Variants in DHRSX observed in about 807,000 individuals in gnomAD.
DHRSX encodes the protein polyprenol dehydrogenase.
A neutral mutation model predicts 34.0 loss-of-function variants in DHRSX; 31 were observed. The ratio of observed to expected loss-of-function variants is 0.91; its 90% CI spans 0.69 to 1.23. The LOEUF (loss-of-function observed/expected upper bound fraction) is 1.23, where lower values mean the gene tolerates loss of function less well. Ranked by LOEUF, DHRSX falls within the 50% of genes most tolerant of loss-of-function variation. The pLI is 0.00. For synonymous variants in DHRSX, 201 were observed against 183.8 expected (o/e 1.09, Z -0.76); for missense variants, 414 against 428.1 (o/e 0.97, Z 0.29).
chrX:2,392,803 T>G (rs1249431045), intron 3 of DHRSX, among the ~76,000 whole-genome samples: 4 of 97,000 alleles, frequency 4.1e-5, no homozygotes, highest in Middle Eastern at 8.5e-3. Flanking sequence ...ATATTTAATA[T>G]AAATTATTTA....
intron 3 of DHRSX, among the ~76,000 whole-genome samples, chrX:2,303,892 G>A (rs868012406): frequency 1.4e-4 from 19 of 133,070 alleles, no homozygotes; most frequent in African/African-American, 3.2e-4. Flanking sequence ...TGGATGGATG[G>A]ATGGATAAAT....
At chrX:2,356,742 C>G (rs962032025) in intron 3 of DHRSX, among the ~76,000 whole-genome samples, 2 of 152,182 alleles carry the variant, frequency 1.3e-5, no homozygotes, top group Admixed American at 6.5e-5. Context: ...GGGATGATCC[C>G]TTTCCATTTG....
intron 4 of DHRSX, among the ~76,000 whole-genome samples, chrX:2,270,514 C>A (rs1211073318): frequency 6.6e-6 from 1 of 152,204 alleles, no homozygotes; most frequent in African/African-American, 2.4e-5. Flanking sequence ...ACAGGCCGCA[C>A]TGGATGCCCC....
At chrX:2,425,920 G>A (rs998451086) in intron 1 of DHRSX, among the ~76,000 whole-genome samples, 2 of 152,164 alleles carry the variant, frequency 1.3e-5, no homozygotes, top group Non-Finnish European at 2.9e-5. Context: ...CAGTTGGCTA[G>A]TGTGAATGAT....
intron 4 of DHRSX, among the ~76,000 whole-genome samples, chrX:2,275,514 CAA>C (rs113619915): frequency 1.0e-3 from 143 of 143,492 alleles, no homozygotes; most frequent in African/African-American, 1.5e-3. Context: ...TGTTTCAAAA[CAA>C]AAAAAAAAAA....
chrX:2,245,530 G>A (rs62595477), intron 5 of DHRSX, among the ~76,000 whole-genome samples: 22,543 of 149,338 alleles, frequency 0.15, 2,108 homozygotes, highest in Admixed American at 0.2. Context: ...GGCTGGTCTC[G>A]AACTCCTGAC....
At chrX:2,352,727 G>A (rs190037955) in intron 3 of DHRSX, among the ~76,000 whole-genome samples, 33 of 152,216 alleles carry the variant, frequency 2.2e-4, no homozygotes, top group East Asian at 1.4e-3. Flanking sequence ...TGAATGCTAC[G>A]GTGATAGCTA....
chrX:2,348,162 G>T (rs2042744191), intron 3 of DHRSX, among the ~76,000 whole-genome samples: 1 of 152,182 alleles, frequency 6.6e-6, no homozygotes, highest in African/African-American at 2.4e-5. Flanking sequence ...CAAGGCAAAA[G>T]AGAATAGAGA....
chrX:2,284,206 T>C (rs566909234), intron 4 of DHRSX, among the ~76,000 whole-genome samples: 1 of 152,386 alleles, frequency 6.6e-6, no homozygotes, highest in Middle Eastern at 3.4e-3. Flanking sequence ...ATTTAGTCCT[T>C]TGAATTCATT....
chrX:2,241,511 G>A (rs760042591), intron 6 of DHRSX, among the ~76,000 whole-genome samples: 16 of 152,162 alleles, frequency 1.1e-4, no homozygotes, highest in African/African-American at 3.1e-4. Context: ...CCCACATCGC[G>A]GAGGAAAGAC....
In DHRSX at chrX:2,425,219, T is replaced by A. The variant is rs150687664; in HGVS notation, c.195A>T (p.Arg65Ser). The change falls in exon 2 of 7, where the codon AGA becomes AGT. Residue 65 changes from arginine (R) to serine (S), a missense_variant. Transcript: ENST00000334651. Reference protein sequence around the residue: ...IGYSTAKHLARLGMHVIIAGN... With the variant: ...IGYSTAKHLASLGMHVIIAGN... ...CACCTATGATAACATGCATGCCAAG[T>A]CTCGCCAGATGCTTCGCTGTAGAAT... 22 of 1,613,176 alleles carry A rather than the reference T, an allele frequency of 1.4e-5. No individual in the cohort carries two copies. Among genetic ancestry groups the A allele is most frequent in the Non-Finnish European group, 1.8e-5 (21 of 1,179,712 alleles).
intron 1 of DHRSX, among the ~76,000 whole-genome samples, chrX:2,439,567 C>T (rs1275516552): frequency 6.6e-6 from 1 of 152,082 alleles, no homozygotes; most frequent in Non-Finnish European, 1.5e-5. Context: ...ATTATTATTA[C>T]ACTGTAATAG....
At chrX:2,372,530 C>G (rs1313776523) in intron 3 of DHRSX, among the ~76,000 whole-genome samples, 5 of 152,082 alleles carry the variant, frequency 3.3e-5, no homozygotes, top group Non-Finnish European at 7.3e-5. Context: ...AGCGAAGCCC[C>G]AGAGACCCCC....
chrX:2,346,839 C>T (rs2042723498), intron 3 of DHRSX, among the ~76,000 whole-genome samples: 1 of 151,972 alleles, frequency 6.6e-6, no homozygotes, highest in African/African-American at 2.4e-5. Flanking sequence ...GTGATGTTCC[C>T]CTCCCTGTGT....
intron 1 of DHRSX, among the ~76,000 whole-genome samples, chrX:2,470,120 A>G (rs2124000564): frequency 6.6e-6 from 1 of 151,238 alleles, no homozygotes; most frequent in East Asian, 1.9e-4. Context: ...TGGAAGATAC[A>G]ATGTGAAGTG....
intron 1 of DHRSX, among the ~76,000 whole-genome samples, chrX:2,443,039 T>C (rs1414131773): frequency 2.6e-5 from 4 of 152,076 alleles, no homozygotes; most frequent in Admixed American, 2.6e-4. Context: ...TACTTTTTAT[T>C]TGTGTTTCGT....
chrX:2,260,280 T>C (rs939926512), intron 5 of DHRSX, among the ~76,000 whole-genome samples: 1 of 150,756 alleles, frequency 6.6e-6, no homozygotes, highest in African/African-American at 2.4e-5. Context: ...ACCTAGATGT[T>C]TGATTGAATG....
intron 3 of DHRSX, among the ~76,000 whole-genome samples, chrX:2,363,120 C>T (rs1202491827): frequency 0.013 from 1,334 of 105,654 alleles, 28 homozygotes; most frequent in African/African-American, 0.046. Context: ...ATTTTATCAC[C>T]GTTCTATGGT....
At chrX:2,262,700 G>A (rs2041380299) in intron 5 of DHRSX, among the ~76,000 whole-genome samples, 1 of 152,192 alleles carries the variant, frequency 6.6e-6, no homozygotes, top group African/African-American at 2.4e-5. Context: ...GCCCTTCCCT[G>A]CACAGCCCGG....
Sources: gnomAD v4.1 joint callset for allele counts (sites outside exome capture counted in the v4.1 genomes callset) on GRCh38, gnomAD v4.1.1 for gene constraint, MANE v1.5 for transcripts, NCBI Gene and HGNC (gene_info 2026-07-23, HGNC 2026-07-21) for gene names.